Variants in SGCD observed in about 807,000 individuals in gnomAD.
SGCD encodes the protein delta-sarcoglycan.
Under a neutral mutation model 36.6 loss-of-function variants are expected in SGCD, and 18 were observed. The ratio of observed to expected loss-of-function variants is 0.49; its 90% CI spans 0.34 to 0.73. The LOEUF (loss-of-function observed/expected upper bound fraction) is 0.73, where lower values mean the gene tolerates loss of function less well. SGCD is among the 30% of genes least tolerant of loss of function. The probability of loss-of-function intolerance (pLI) is 0.01; values close to 1 mark genes in which losing one functional copy is unlikely to be tolerated. For missense variants in SGCD, 387 were observed against 346.7 expected, an observed-to-expected ratio of 1.12 and a Z score of -0.92; for synonymous variants, 133 against 130.6, an observed-to-expected ratio of 1.02 and a Z score of -0.12.
intron 3 of SGCD, among the ~76,000 whole-genome samples, chr5:156,398,081 A>T (rs548858526): frequency 6.6e-6 from 1 of 152,298 alleles, no homozygotes; most frequent in African/African-American, 2.4e-5. Flanking sequence ...CGCTGCCTGA[A>T]GTTCCCTCAT....
At chr5:156,179,292 TA>T (rs1366566463) in intron 3 of SGCD, among the ~76,000 whole-genome samples, 3 of 152,204 alleles carry the variant, frequency 2.0e-5, no homozygotes, top group Non-Finnish European at 4.4e-5. Flanking sequence ...ATATCATATT[TA>T]AAAACAATGA....
chr5:155,972,199 C>T (rs1442941845), intron 1 of SGCD, among the ~76,000 whole-genome samples: 1 of 152,064 alleles, frequency 6.6e-6, no homozygotes, highest in African/African-American at 2.4e-5. Flanking sequence ...TGCTAATTGT[C>T]GAAAAGTCAA....
rs1217147649 is a variant in SGCD, at chr5:156,700,875, C to T, written c.575+53339C>T. Among the ~76,000 whole-genome samples, 21 of 147,078 alleles carry T rather than the reference C, an allele frequency of 1.4e-4. No homozygotes were observed. The Admixed American group carries it at 1.5e-3, about 10-fold the overall frequency. On this transcript the variant is annotated intron_variant, in intron 7 of 8. Transcript: ENST00000337851. ...GAAAGATCGCTTGAGCTTAGGAGGT[C>T]GAGCCTGCAGTGAGCCATGGTTGTG...
At chr5:155,894,152 T>TAGGCCACAC (rs1378802917) in intron 1 of SGCD, among the ~76,000 whole-genome samples, 2 of 152,198 alleles carry the variant, frequency 1.3e-5, no homozygotes, top group Non-Finnish European at 2.9e-5. Flanking sequence ...ACTGGCCACT[T>TAGGCCACAC]AGGCCACACT....
chr5:156,448,735 T>C (rs1006341175), intron 3 of SGCD, among the ~76,000 whole-genome samples: 25 of 110,322 alleles, frequency 2.3e-4, no homozygotes, highest in Admixed American at 6.5e-4. Context: ...CTTTTTCTTT[T>C]TTTTTTTTTT....
chr5:155,960,753 A>G (rs1199470595), intron 1 of SGCD, among the ~76,000 whole-genome samples: 2 of 152,104 alleles, frequency 1.3e-5, no homozygotes, highest in African/African-American at 2.4e-5. Context: ...ATATCTGCAT[A>G]TCTCAATGAG....
chr5:155,969,818 T>G (rs1757973690), intron 1 of SGCD, among the ~76,000 whole-genome samples: 1 of 152,144 alleles, frequency 6.6e-6, no homozygotes, highest in Non-Finnish European at 1.5e-5. Context: ...CTTGCTGCTA[T>G]GTTCACTGTC....
At chr5:156,632,254 A>G (rs1762666025) in intron 6 of SGCD, among the ~76,000 whole-genome samples, 1 of 151,820 alleles carries the variant, frequency 6.6e-6, no homozygotes, top group African/African-American at 2.4e-5. Flanking sequence ...AGATATTCTG[A>G]TTGGGCAGCC....
At chr5:156,715,585 A>T (rs1254584186) in intron 7 of SGCD, among the ~76,000 whole-genome samples, 1 of 152,156 alleles carries the variant, frequency 6.6e-6, no homozygotes, top group Admixed American at 6.5e-5. Flanking sequence ...ACAAGATGAG[A>T]CTGAGAGATG....
intron 1 of SGCD, among the ~76,000 whole-genome samples, chr5:156,072,066 G>A (rs1760588640): frequency 6.6e-6 from 1 of 152,028 alleles, no homozygotes; most frequent in African/African-American, 2.4e-5. Context: ...CACACTGATG[G>A]GTCTTGACTC....
chr5:155,822,140 A>G, the SGCD span, among the ~76,000 whole-genome samples: 1 of 152,250 alleles, frequency 6.6e-6, no homozygotes, highest in South Asian at 2.1e-4. Flanking sequence ...AGAGAGGCAT[A>G]TAAATAAACA....
intron 1 of SGCD, among the ~76,000 whole-genome samples, chr5:155,880,996 A>T (rs538732390): frequency 6.6e-6 from 1 of 152,248 alleles, no homozygotes; most frequent in South Asian, 2.1e-4. Context: ...ATATTGTGAG[A>T]TTTAAAAAAT....
chr5:156,048,085 C>T (rs1314079100), intron 1 of SGCD, among the ~76,000 whole-genome samples: 1 of 151,994 alleles, frequency 6.6e-6, no homozygotes, highest in Non-Finnish European at 1.5e-5. Context: ...TGGTTTTTTG[C>T]CCTTGCAATT....
intron 3 of SGCD, among the ~76,000 whole-genome samples, chr5:156,311,074 C>A (rs1581235474): frequency 6.6e-6 from 1 of 152,192 alleles, no homozygotes; most frequent in Non-Finnish European, 1.5e-5. Flanking sequence ...GGTGAATAAA[C>A]AGAGTTGTGT....
intron 1 of SGCD, among the ~76,000 whole-genome samples, chr5:156,070,330 T>A (rs1240022201): frequency 6.6e-6 from 1 of 152,120 alleles, no homozygotes; most frequent in African/African-American, 2.4e-5. Flanking sequence ...ATTGAGAGTT[T>A]TTAGCATGAA....
At chr5:155,738,356 T>C in the SGCD span, among the ~76,000 whole-genome samples, 1 of 152,200 alleles carries the variant, frequency 6.6e-6, no homozygotes, top group Non-Finnish European at 1.5e-5. Flanking sequence ...GGTACAACTA[T>C]GTTTCCGGTG....
chr5:156,026,246 A>G (rs1195109682), intron 1 of SGCD, among the ~76,000 whole-genome samples: 1 of 152,240 alleles, frequency 6.6e-6, no homozygotes, highest in African/African-American at 2.4e-5. Flanking sequence ...TGCCCCAAAT[A>G]TAATGTTAGA....
Position 156,567,285 on chromosome 5 carries a change from G to A in SGCD, c.295-21946G>A, listed in dbSNP as rs542061356. The stretch of plus-strand genomic sequence containing the variant: ...AAAGAGAACCAATAGAGTGTGGAGG[G>A]GGTGAATGGATGGATGGATGGATGG... On this transcript the variant is annotated intron_variant, in intron 4 of 8. Coordinates refer to ENST00000337851, the MANE Select transcript of SGCD (RefSeq NM_000337.6). 2.0e-5 allele frequency among the ~76,000 whole-genome samples: 3 copies of A among 151,596 alleles called. No homozygotes were observed. The East Asian group carries it at 5.8e-4, about 29-fold the overall frequency.
intron 3 of SGCD, among the ~76,000 whole-genome samples, chr5:156,494,148 T>C (rs1756070015): frequency 6.6e-6 from 1 of 152,088 alleles, no homozygotes; most frequent in Non-Finnish European, 1.5e-5. Context: ...ACTATAGGGC[T>C]GCTGTTGAAC....
Sources: allele counts gnomAD v4.1 joint callset (sites outside exome capture counted in the v4.1 genomes callset), GRCh38; gene constraint gnomAD v4.1.1; transcripts MANE v1.5; gene names NCBI Gene and HGNC (gene_info 2026-07-23, HGNC 2026-07-21).